The following CNTNAP1 variants were observed in gnomAD, a reference collection of about 807,000 sequenced individuals.
CNTNAP1 encodes contactin-associated protein 1.
In CNTNAP1, 80 loss-of-function variants were observed where a neutral mutation model predicts 161.5. The observed-to-expected ratio is 0.50, with a 90% confidence interval of 0.41 to 0.60. CNTNAP1 has a LOEUF of 0.60. CNTNAP1 is among the 20% of genes least tolerant of loss of function. The pLI is 0.00. For synonymous variants in CNTNAP1, 695 were observed against 733.1 expected, an observed-to-expected ratio of 0.95 and a Z score of 0.84; for missense variants, 1,464 against 1,854.8, an observed-to-expected ratio of 0.79 and a Z score of 3.87.
At position 42,692,605 on chromosome 17, in the gene CNTNAP1, G is replaced by T; in HGVS notation, c.2637G>T (p.Arg879=). The change falls in exon 17 of 24, where the codon CGG becomes CGT. Residue 879 remains arginine, a synonymous_variant. Coordinates refer to ENST00000264638, the MANE Select transcript of CNTNAP1 (RefSeq NM_003632.3). The part of the protein sequence containing the change: ...EFNDDEWHLV[R]AEINVKQARL... Reference sequence around the variant, plus strand: ...ATGATGACGAGTGGCACCTGGTCCGGGCTGAAATCAACGTGAAGCAGGCCC... The same window carrying T: ...ATGATGACGAGTGGCACCTGGTCCGTGCTGAAATCAACGTGAAGCAGGCCC... 1 of 1,614,212 alleles carries T rather than the reference G, an allele frequency of 6.2e-7. No homozygotes were observed.
intron 18 of CNTNAP1, among the ~76,000 whole-genome samples, chr17:42,695,198 T>G (rs1432434624): frequency 2.0e-5 from 3 of 152,200 alleles, no homozygotes; most frequent in African/African-American, 7.2e-5. Flanking sequence ...TCTGCCTGCC[T>G]TGGCCTCCCA....
At chr17:42,683,168 G>A in intron 1 of CNTNAP1, 3 of 583,160 alleles carry the variant, frequency 5.1e-6, no homozygotes, top group Non-Finnish European at 8.9e-6. Flanking sequence ...TGGTGCCTGG[G>A]TTTGAGGCTA....
chr17:42,694,470 CA>C (rs2053129439), intron 18 of CNTNAP1, among the ~76,000 whole-genome samples: 1 of 152,060 alleles, frequency 6.6e-6, no homozygotes, highest in South Asian at 2.1e-4. Flanking sequence ...CAGCGCCTGG[CA>C]AAATTTTTTA....
At position 42,691,337 on chromosome 17, in the gene CNTNAP1, G is replaced by A; in HGVS notation, c.2216+44G>A. On this transcript the variant is annotated intron_variant, in intron 14 of 23. Coordinates refer to ENST00000264638, the MANE Select transcript of CNTNAP1 (RefSeq NM_003632.3). This position sits in a 1 kb window ranked among gnomAD's most constrained non-coding sequence, Gnocchi z 4.3. ...AGGGTTTTTAGGACTCCGGGAGTGG[G>A]AGGAGCTGAGTGGCTGGGGCTGAGC... 6.2e-7 allele frequency: 1 copy of A among 1,614,058 alleles called. No homozygotes were observed. Among genetic ancestry groups the A allele is most frequent in the Non-Finnish European group, 8.5e-7 (1 of 1,179,974 alleles).
chr17:42,695,576 G>A lies in CNTNAP1; in HGVS notation c.3048G>A (p.Ala1016=), dbSNP rs1165284336. Reference sequence around the variant, plus strand: ...GGATGCGCTATAACCTACAGTCAGCGCTGCGCTCTGCAGCCAGGGAGTTCT... The same window carrying A: ...GGATGCGCTATAACCTACAGTCAGCACTGCGCTCTGCAGCCAGGGAGTTCT... The part of the protein sequence containing the change: ...GTWMRYNLQS[A]LRSAAREFSH... Residue 1016 remains alanine (A), a synonymous_variant, in exon 19 of 24, where the codon GCG becomes GCA. Transcript: ENST00000264638. The A allele has an allele frequency of 2.5e-6, 4 of 1,614,046 alleles. No homozygotes were observed. The highest frequency in any genetic ancestry group is 2.5e-6 in the Non-Finnish European group (3 of 1,179,994).
At chr17:42,692,061 G>A (rs2053094386) in intron 16 of CNTNAP1, 70 bp downstream of exon 16, 2 of 1,532,808 alleles carry the variant, frequency 1.3e-6, no homozygotes, top group South Asian at 1.2e-5. Flanking sequence ...GGGGTAGGCT[G>A]GGGTTGGAGC....
At chr17:42,693,142 G>C (rs1203253429) in intron 17 of CNTNAP1, among the ~76,000 whole-genome samples, 155 bp from the exon 18 acceptor site, 1 of 151,890 alleles carries the variant, frequency 6.6e-6, no homozygotes, top group Non-Finnish European at 1.5e-5. Context: ...GTATTTTTTA[G>C]TAGAGACGGG....
rs1438940310 is a variant in CNTNAP1 at position 42,691,951 on chromosome 17, C to T, written c.2490C>T (p.Tyr830=). Residue 830 remains tyrosine (Y), a synonymous_variant, in exon 16 of 24, where the codon TAC becomes TAT. Transcript: ENST00000264638. The surrounding 1 kb of genome is among the most constrained non-coding windows in gnomAD (Gnocchi z 4.3). The stretch of plus-strand genomic sequence containing the variant: ...TCCTAGAGAATATGGGGGGCCCTTA[C>T]TGCCAGTGGCGCCGACCTTATGTGC... ...GVFLENMGGP[Y]CQWRRPYVRV... is the part of the protein sequence containing the mutation. The T allele has an allele frequency of 1.9e-6, 3 of 1,614,134 alleles. No homozygotes were observed. The highest frequency in any genetic ancestry group is 2.5e-6 in the Non-Finnish European group (3 of 1,180,002).
At chr17:42,692,827 T>G in intron 17 of CNTNAP1, 107 bp downstream of exon 17, 1 of 961,144 alleles carries the variant, frequency 1.0e-6, no homozygotes, top group Non-Finnish European at 1.5e-6. Flanking sequence ...CAGTCCCCTC[T>G]GCTTCAGAGC....
chr17:42,697,665 C>T lies in CNTNAP1; in HGVS notation c.3680C>T (p.Thr1227Ile). The change falls in exon 22 of 24, where the codon ACC (threonine) becomes ATC (isoleucine). Residue 1227 changes from threonine to isoleucine, a missense_variant. Thr to Ile is a moderately conservative substitution (Grantham distance 89). This residue lies in a region of CNTNAP1 where 1,383 missense variants were observed against 1,765.0 expected (regional missense o/e 0.78). Transcript: ENST00000264638. The stretch of plus-strand genomic sequence containing the variant: ...GCTCCCCTCAAGACCCACTTCCGAA[C>T]CCCTCGACCCATGACTGCTGAGCTA... Reference protein sequence around the residue: ...NVAPLKTHFRTPRPMTAELAE... With the variant: ...NVAPLKTHFRIPRPMTAELAE... 1.2e-6 allele frequency: 2 copies of T among 1,614,188 alleles called. No homozygotes were observed. The highest frequency in any genetic ancestry group is 1.7e-6 in the Non-Finnish European group (2 of 1,180,036).
chr17:42,688,037 GA>G lies in CNTNAP1; in HGVS notation c.1306+59del, dbSNP rs1279159217. On this transcript the variant is annotated intron_variant, in intron 8 of 23. Coordinates refer to ENST00000264638, the MANE Select transcript of CNTNAP1 (RefSeq NM_003632.3). ...AGAAGAGAAGTGTAGAGGATCCCAG[GA>G]AAGTTGTAGGCCTGGACTGAGGCCT... 1.9e-6 allele frequency: 3 copies of G among 1,578,044 alleles called. No homozygotes were observed. In the African/African-American group the frequency reaches 4.1e-5, roughly 21 times the overall value.
chr17:42,693,113 T>C (rs955550182), intron 17 of CNTNAP1, among the ~76,000 whole-genome samples, 184 bp from the exon 18 acceptor site: 19 of 152,066 alleles, frequency 1.2e-4, no homozygotes, highest in Non-Finnish European at 1.5e-4. Flanking sequence ...CCCGCCACCG[T>C]GCCCAGCTAA....
intron 10 of CNTNAP1, 70 bp downstream of exon 10, chr17:42,689,117 C>A: frequency 7.0e-7 from 1 of 1,436,250 alleles, no homozygotes. Flanking sequence ...GTAGGAATGG[C>A]CTCTTTCAAT....
At chr17:42,683,368 T>C (rs957587968) in intron 1 of CNTNAP1, 2 of 1,072,950 alleles carry the variant, frequency 1.9e-6, no homozygotes, top group African/African-American at 3.4e-5. Flanking sequence ...AGGCTGGACA[T>C]GGAGCTGGTG....
In CNTNAP1 at chr17:42,685,503, C is replaced by A; in HGVS notation, c.715+83C>A. On this transcript the variant is annotated intron_variant, in intron 5 of 23. Coordinates refer to ENST00000264638, the MANE Select transcript of CNTNAP1 (RefSeq NM_003632.3). The surrounding 1 kb of genome is among the most constrained non-coding windows in gnomAD (Gnocchi z 5.0). ...TCCTCGTGGCACCTCCTCCGCGCAT[C>A]CGCGCTCAGCCTGGTCTTCCACTTC... 1.5e-6 allele frequency: 2 copies of A among 1,305,606 alleles called. No individual in the cohort carries two copies. The highest frequency in any genetic ancestry group is 2.5e-4 in the Middle Eastern group (1 of 3,982). The allele number at this position is 1,305,606 out of a possible 1,614,324, so 80.9% of individuals were successfully genotyped here. A position where few individuals can be genotyped will look rare whatever the true frequency, so the allele number is the denominator to read the frequency against.
chr17:42,694,488 T>C (rs1353782857), intron 18 of CNTNAP1, among the ~76,000 whole-genome samples: 2 of 152,068 alleles, frequency 1.3e-5, no homozygotes, highest in Non-Finnish European at 2.9e-5. Context: ...TTTAATTAGC[T>C]GGGCATGGTG....
At position 42,697,915 on chromosome 17, in the gene CNTNAP1, A is replaced by G. The variant is rs2053171671; in HGVS notation, c.3827A>G (p.Tyr1276Cys). 3 of 1,614,136 alleles carry G rather than the reference A, an allele frequency of 1.9e-6. No individual in the cohort carries two copies. Among genetic ancestry groups the G allele is most frequent in the Non-Finnish European group, 2.5e-6 (3 of 1,180,006 alleles). Residue 1276 changes from tyrosine to cysteine, a missense_variant, in exon 23 of 24, where the codon TAC becomes TGC. Around this residue, in one of 3 missense-constraint regions of CNTNAP1, gnomAD observed 1,383 missense variants for 1,765.0 expected, o/e 0.78. Transcript: ENST00000264638. ...TTCTCCTCTCCAGACTTCCCCTACT[A>G]CCATGATGAAGGATGGGTTGCCATA... Reference protein sequence around the residue: ...PWYLPPDFPYYHDEGWVAILL... With the variant: ...PWYLPPDFPYCHDEGWVAILL...
rs2053192424 is a variant in CNTNAP1, at chr17:42,699,024, A to C, written c.*114A>C. The stretch of plus-strand genomic sequence containing the variant: ...TTAGCTGGCTCTGCTCATCCAGAGG[A>C]TATTCCCCCATCCCCCCCCCATCAA... On this transcript the variant is annotated 3_prime_UTR_variant, in exon 24 of 24. Transcript: ENST00000264638. 1.2e-6 allele frequency: 1 copy of C among 847,372 alleles called. No homozygotes were observed. The highest frequency in any genetic ancestry group is 2.3e-5 in the South Asian group (1 of 44,260). The allele number at this position is 847,372 out of a possible 1,614,324, so 52.5% of individuals were successfully genotyped here.
chr17:42,686,617 CA>C (rs1324783417), intron 6 of CNTNAP1, among the ~76,000 whole-genome samples: 1 of 152,006 alleles, frequency 6.6e-6, no homozygotes, highest in African/African-American at 2.4e-5. Flanking sequence ...TGGATCCTCC[CA>C]CAACTTTGTG....
Sources: gnomAD v4.1 joint callset for allele counts (sites outside exome capture counted in the v4.1 genomes callset) on GRCh38, gnomAD v4.1.1 for gene constraint, gnomAD v4.1.1 regional missense constraint, Gnocchi (gnomAD v3.1) non-coding constraint, MANE v1.5 for transcripts, NCBI Gene and HGNC (gene_info 2026-07-23, HGNC 2026-07-21) for gene names.